The following OSBPL3 variants were observed in gnomAD, a reference collection of about 807,000 sequenced individuals.
OSBPL3 encodes oxysterol-binding protein-related protein 3.
A neutral mutation model predicts 120.1 loss-of-function variants in OSBPL3; 65 were observed. The observed-to-expected ratio is 0.54, with a 90% CI of 0.44 to 0.67. The LOEUF is 0.67. Among genes scored for constraint, OSBPL3 ranks in the 30% least tolerant of loss-of-function variants. The pLI is 0.00. For synonymous variants in OSBPL3, 416 were observed against 402.6 expected (o/e 1.03, Z -0.40); for missense variants, 1,004 against 1,082.1 (o/e 0.93, Z 1.01).
Position 24,854,224 on chromosome 7 carries a change from G to A in OSBPL3, c.1028-1590C>T, listed in dbSNP as rs76909772. 0.024 allele frequency among the ~76,000 whole-genome samples: 3,579 copies of A among 152,186 alleles called. 93 individuals carry two copies. The highest frequency in any genetic ancestry group is 0.052 in the Admixed American group (795 of 15,276). On this transcript the variant is annotated intron_variant, in intron 10 of 22. Coordinates refer to ENST00000313367, the MANE Select transcript of OSBPL3 (RefSeq NM_015550.4). The surrounding 1 kb of genome is among the most constrained non-coding windows in gnomAD (Gnocchi z 4.1). Reference sequence around the variant, plus strand: ...TCCTTTATAATATTTTGTTTTAGAAGAGCAGGAAGACTGAAGAGACTCAGA... The same window carrying A: ...TCCTTTATAATATTTTGTTTTAGAAAAGCAGGAAGACTGAAGAGACTCAGA...
At chr7:24,910,804 G>T (rs1156609969) in intron 1 of OSBPL3, among the ~76,000 whole-genome samples, 2 of 152,212 alleles carry the variant, frequency 1.3e-5, no homozygotes, top group Admixed American at 1.3e-4. Flanking sequence ...TGTGGATAGG[G>T]CTTGACTAGG....
At position 24,936,583 on chromosome 7, in the gene OSBPL3, G is replaced by C. The variant is rs1031229449; in HGVS notation, c.-150+43303C>G. 6.6e-5 allele frequency among the ~76,000 whole-genome samples: 10 copies of C among 152,206 alleles called. No individual in the cohort carries two copies. The highest frequency in any genetic ancestry group is 2.4e-4 in the African/African-American group (10 of 41,462). On this transcript the variant is annotated intron_variant, in intron 1 of 22. Coordinates refer to ENST00000313367, the MANE Select transcript of OSBPL3 (RefSeq NM_015550.4). The surrounding 1 kb of genome is among the most constrained non-coding windows in gnomAD (Gnocchi z 4.2). The stretch of plus-strand genomic sequence containing the variant: ...AGGAAGGACCCTAGCTGTGGGCCTT[G>C]AAACCTCCTATTTGGGCTTCTGCCA...
In OSBPL3 at chr7:24,871,898, G is replaced by C. The variant is rs575042848; in HGVS notation, c.213+55C>G. On this transcript the variant is annotated intron_variant, in intron 3 of 22. Transcript: ENST00000313367. The surrounding 1 kb of genome is among the most constrained non-coding windows in gnomAD (Gnocchi z 4.8). ...TTAAATATGAGTACCTAAGAACCAGGTGCTGAGTGGGGCAGTGTGAGTGCA... is the reference window on the plus strand; with the variant it reads ...TTAAATATGAGTACCTAAGAACCAGCTGCTGAGTGGGGCAGTGTGAGTGCA... 6.8e-7 allele frequency: 1 copy of C among 1,470,790 alleles called. No individual in the cohort carries two copies. Among genetic ancestry groups the C allele is most frequent in the Non-Finnish European group, 9.5e-7 (1 of 1,049,370 alleles). The allele number at this position is 1,470,790 out of a possible 1,614,324, so 91.1% of individuals were successfully genotyped here.
intron 10 of OSBPL3, among the ~76,000 whole-genome samples, chr7:24,853,187 A>G (rs569561821): frequency 1.4e-3 from 208 of 152,330 alleles, no homozygotes; most frequent in Non-Finnish European, 2.6e-3. Flanking sequence ...TTAAAAACAA[A>G]GCTTATTGGT....
chr7:24,944,489 G>T (rs1310888463), intron 1 of OSBPL3, among the ~76,000 whole-genome samples: 1 of 152,072 alleles, frequency 6.6e-6, no homozygotes, highest in Non-Finnish European at 1.5e-5. Context: ...AATTAGCCGG[G>T]CATGGTGGCA....
chr7:24,926,885 A>T (rs1811121898), intron 1 of OSBPL3, among the ~76,000 whole-genome samples: 1 of 152,250 alleles, frequency 6.6e-6, no homozygotes, highest in Non-Finnish European at 1.5e-5. Flanking sequence ...AAAATTCTTG[A>T]TGAACTAATA....
intron 16 of OSBPL3, among the ~76,000 whole-genome samples, chr7:24,829,406 T>C (rs1019880236): frequency 6.6e-6 from 1 of 152,222 alleles, no homozygotes; most frequent in African/African-American, 2.4e-5. Flanking sequence ...TTTGGGTTAC[T>C]GTATATTCAC....
At chr7:24,943,888 A>T (rs1813386467) in intron 1 of OSBPL3, among the ~76,000 whole-genome samples, 1 of 152,156 alleles carries the variant, frequency 6.6e-6, no homozygotes, top group Non-Finnish European at 1.5e-5. Context: ...TCCACCAGAT[A>T]AGTCAATTTG....
In OSBPL3 at chr7:24,806,387, C is replaced by T. The variant is rs1465003395; in HGVS notation, c.2444+389G>A. Among the ~76,000 whole-genome samples the T allele has an allele frequency of 6.6e-6, 1 of 152,300 alleles. No individual in the cohort carries two copies. Among genetic ancestry groups the T allele is most frequent in the East Asian group, 1.9e-4 (1 of 5,190 alleles). On this transcript the variant is annotated intron_variant, in intron 21 of 22. Transcript: ENST00000313367. This position sits in a 1 kb window ranked among gnomAD's most constrained non-coding sequence, Gnocchi z 5.2. ...GAAAAGACCTACCATATATCACACA[C>T]CTTGTGAGCAGCAACCTAGAATCAG... is the stretch of plus-strand genomic sequence containing the variant.
chr7:24,865,538 A>G (rs1801189994), intron 6 of OSBPL3, 73 bp from the exon 7 acceptor site: 6 of 1,472,990 alleles, frequency 4.1e-6, no homozygotes, highest in South Asian at 1.2e-5. Flanking sequence ...GACAAAGGAT[A>G]ACAGAGTGGG....
intron 14 of OSBPL3, among the ~76,000 whole-genome samples, chr7:24,839,991 C>CAAAAAAAAAAAAAA (rs71675250): frequency 7.1e-4 from 38 of 53,292 alleles, no homozygotes; most frequent in East Asian, 1.1e-3. Flanking sequence ...CTCCATCTCA[C>CAAAAAAAAAAAAAA]AAAAAAAAAA....
At chr7:24,859,180 A>G (rs769114651) in intron 10 of OSBPL3, among the ~76,000 whole-genome samples, 1 of 152,208 alleles carries the variant, frequency 6.6e-6, no homozygotes, top group Non-Finnish European at 1.5e-5. Flanking sequence ...TTTTAAATTT[A>G]GAGGGTAAGG....
chr7:24,920,591 G>C (rs1024552935), intron 1 of OSBPL3, among the ~76,000 whole-genome samples: 4 of 152,110 alleles, frequency 2.6e-5, no homozygotes, highest in Admixed American at 6.5e-5. Flanking sequence ...AAATATTACT[G>C]ACATACATTC....
chr7:24,858,615 G>A (rs1800122512), intron 10 of OSBPL3, among the ~76,000 whole-genome samples: 2 of 152,224 alleles, frequency 1.3e-5, no homozygotes, highest in Non-Finnish European at 2.9e-5. Flanking sequence ...ACAGGGCTCA[G>A]GCAACTGTTG....
chr7:24,861,619 G>T lies in OSBPL3; in HGVS notation c.1021C>A (p.His341Asn), dbSNP rs2128248644. 6.3e-7 allele frequency: 1 copy of T among 1,587,442 alleles called. No individual in the cohort carries two copies. Among genetic ancestry groups the T allele is most frequent in the East Asian group, 2.3e-5 (1 of 44,370 alleles). ...AGAAAGAAAACTCATTTACCTTTAT[G>T]GGCAATATGACACAGATCTTCTTGC... Reference protein sequence around the residue: ...KMQEDLCHIAHKVYFTLRSAF... With the variant: ...KMQEDLCHIANKVYFTLRSAF... Residue 341 changes from histidine to asparagine, a missense_variant, in exon 10 of 23, where the codon CAT becomes AAT. By Grantham distance (68) the His-to-Asn change is moderately conservative. Around this residue, in one of 4 missense-constraint regions of OSBPL3, gnomAD observed 272 missense variants for 248.8 expected, o/e 1.09. Transcript: ENST00000313367.
intron 1 of OSBPL3, among the ~76,000 whole-genome samples, chr7:24,978,050 C>G (rs2711026): frequency 0.85 from 129,234 of 152,214 alleles, 55,225 homozygotes; most frequent in African/African-American, 0.94. Context: ...TTAGTTTATT[C>G]GAAGAGGTCA....
chr7:24,856,427 C>T (rs1584395512), intron 10 of OSBPL3, among the ~76,000 whole-genome samples: 2 of 152,110 alleles, frequency 1.3e-5, no homozygotes, highest in South Asian at 2.1e-4. Flanking sequence ...CTGAGCTCTA[C>T]TTCTTAACAT....
At chr7:24,981,205 C>T (rs1818305219), upstream of OSBPL3, among the ~76,000 whole-genome samples, 1 of 152,144 alleles carries the variant, frequency 6.6e-6, no homozygotes, top group Non-Finnish European at 1.5e-5. This position sits in a 1 kb window ranked among gnomAD's most constrained non-coding sequence, Gnocchi z 7.3. Context: ...GAGAGGAGGG[C>T]CAAGTCCACT....
intron 1 of OSBPL3, among the ~76,000 whole-genome samples, chr7:24,911,311 C>T (rs760670786): frequency 3.3e-5 from 5 of 152,258 alleles, no homozygotes; most frequent in Non-Finnish European, 7.4e-5. Flanking sequence ...CAACTGCTTG[C>T]GGAAGCTTGG....
Sources: allele counts gnomAD v4.1 joint callset (sites outside exome capture counted in the v4.1 genomes callset), GRCh38; gene constraint gnomAD v4.1.1; regional missense constraint gnomAD v4.1.1; non-coding constraint Gnocchi (gnomAD v3.1); transcripts MANE v1.5; gene names NCBI Gene and HGNC (gene_info 2026-07-23, HGNC 2026-07-21).